The following RBFOX3 variants were observed in gnomAD, a reference collection of about 807,000 sequenced individuals.
RBFOX3 encodes the protein RNA binding fox-1 homolog 3, also known as RNA binding protein fox-1 homolog 3.
RBFOX3 carries 17 observed loss-of-function variants against 48.7 expected under a neutral mutation model. The observed-to-expected ratio is 0.35, with a 90% CI of 0.24 to 0.52. RBFOX3 has a LOEUF of 0.52. RBFOX3 is among the 20% of genes least tolerant of loss of function. The probability of loss-of-function intolerance (pLI) is 0.94; values close to 1 mark genes in which losing one functional copy is unlikely to be tolerated. For missense variants in RBFOX3, 382 were observed against 497.5 expected (o/e 0.77, Z 2.21); for synonymous variants, 212 against 209.5 (o/e 1.01, Z -0.10).
intron 2 of RBFOX3, among the ~76,000 whole-genome samples, chr17:79,387,932 GCATGTGTA>G (rs1367246309): frequency 1.1e-4 from 17 of 152,058 alleles, no homozygotes; most frequent in African/African-American, 4.1e-4. Flanking sequence ...ACATGCGTGT[GCATGTGTA>G]CATGTGTGCA....
Position 79,287,580 on chromosome 17 carries a change from T to A in RBFOX3, c.-74+20144A>T, listed in dbSNP as rs909099366. Among the ~76,000 whole-genome samples, 6 of 152,130 alleles carry A rather than the reference T, an allele frequency of 3.9e-5. No homozygotes were observed. The South Asian group carries it at 1.2e-3, about 32-fold the overall frequency. Reference sequence around the variant, plus strand: ...GTGCTCTGGGCAGGATCAGACCCACTGATGTGAGACCGGCCAACAGGCAGC... The same window carrying A: ...GTGCTCTGGGCAGGATCAGACCCACAGATGTGAGACCGGCCAACAGGCAGC... On this transcript the variant is annotated intron_variant, in intron 3 of 14. Transcript: ENST00000693108.
At chr17:79,513,591 C>T (rs2084821619) in intron 1 of RBFOX3, among the ~76,000 whole-genome samples, 1 of 152,232 alleles carries the variant, frequency 6.6e-6, no homozygotes, top group African/African-American at 2.4e-5. Context: ...GGTGAAAGGG[C>T]CTCCTTGGAA....
rs145616366 is a variant in RBFOX3, at chr17:79,189,160, C to A, written c.-34+46606G>T. Among the ~76,000 whole-genome samples, 5 of 152,328 alleles carry A rather than the reference C, an allele frequency of 3.3e-5. No homozygotes were observed. In the East Asian group the frequency reaches 9.7e-4, roughly 29 times the overall value. On this transcript the variant is annotated intron_variant, in intron 4 of 14. Transcript: ENST00000693108. ...TACTGATTGCTAACTGTAACAATACCTTGTATCTGCTCAGTGCTTTCCTAA... is the reference window on the plus strand; with the variant it reads ...TACTGATTGCTAACTGTAACAATACATTGTATCTGCTCAGTGCTTTCCTAA...
At chr17:79,141,178 G>A (rs958245706) in intron 4 of RBFOX3, among the ~76,000 whole-genome samples, 1 of 152,254 alleles carries the variant, frequency 6.6e-6, no homozygotes, top group East Asian at 1.9e-4. Flanking sequence ...GATGAGCACT[G>A]TGGCTGGGGA....
chr17:79,578,561 C>A (rs1156406044), intron 1 of RBFOX3, among the ~76,000 whole-genome samples: 1 of 152,256 alleles, frequency 6.6e-6, no homozygotes, highest in Non-Finnish European at 1.5e-5. Flanking sequence ...GGCCGGCCAT[C>A]CTGAGACCCG....
At chr17:79,511,933 T>C (rs2084320075) in intron 1 of RBFOX3, among the ~76,000 whole-genome samples, 1 of 143,570 alleles carries the variant, frequency 7.0e-6, no homozygotes, top group African/African-American at 2.6e-5. Context: ...GGATACGTGT[T>C]ACCATCGGAT....
intron 2 of RBFOX3, among the ~76,000 whole-genome samples, chr17:79,336,460 G>C (rs1003624474): frequency 1.3e-5 from 2 of 151,994 alleles, no homozygotes; most frequent in Non-Finnish European, 2.9e-5. Flanking sequence ...GTTCCAGGTG[G>C]GGCAACCGAG....
At chr17:79,371,297 G>A (rs1008843792) in intron 2 of RBFOX3, among the ~76,000 whole-genome samples, 3 of 152,240 alleles carry the variant, frequency 2.0e-5, no homozygotes, top group African/African-American at 7.2e-5. Flanking sequence ...GGGCACATCC[G>A]AAGGGCTGTG....
At chr17:79,475,934 G>A (rs1018216940) in intron 2 of RBFOX3, among the ~76,000 whole-genome samples, 3 of 152,212 alleles carry the variant, frequency 2.0e-5, no homozygotes, top group African/African-American at 7.2e-5. Context: ...TGGTGAGAAC[G>A]AAGAGCTATC....
At chr17:79,646,750 A>G in the RBFOX3 span, among the ~76,000 whole-genome samples, 1 of 151,886 alleles carries the variant, frequency 6.6e-6, no homozygotes, top group Admixed American at 6.6e-5. Flanking sequence ...GCTACCCCCA[A>G]CCCCAATATC....
chr17:79,610,452 C>T (rs2093946836), intron 1 of RBFOX3, among the ~76,000 whole-genome samples: 1 of 151,952 alleles, frequency 6.6e-6, no homozygotes, highest in African/African-American at 2.4e-5. Context: ...CCGCCGCCGC[C>T]ACAGCCACCA....
chr17:79,435,276 G>C (rs2069188363), intron 2 of RBFOX3, among the ~76,000 whole-genome samples: 1 of 152,194 alleles, frequency 6.6e-6, no homozygotes, highest in African/African-American at 2.4e-5. Flanking sequence ...GGAGGTTGGA[G>C]TGTAGGCTCT....
intron 2 of RBFOX3, among the ~76,000 whole-genome samples, chr17:79,427,278 C>G (rs781976251): frequency 6.6e-6 from 1 of 152,234 alleles, no homozygotes; most frequent in Non-Finnish European, 1.5e-5. Flanking sequence ...AGCACCACCT[C>G]AGGGACCCTG....
the RBFOX3 span, among the ~76,000 whole-genome samples, chr17:79,620,476 C>T: frequency 1.4e-4 from 21 of 147,062 alleles, no homozygotes; most frequent in East Asian, 1.6e-3. Context: ...CACACGTGCA[C>T]ACACGCACGT....
At chr17:79,520,735 G>A (rs1352489190) in intron 1 of RBFOX3, among the ~76,000 whole-genome samples, 2 of 152,212 alleles carry the variant, frequency 1.3e-5, no homozygotes, top group Admixed American at 1.3e-4. Flanking sequence ...TGGGGTTCGT[G>A]TTGGACTCCC....
intron 6 of RBFOX3, among the ~76,000 whole-genome samples, chr17:79,106,250 C>T (rs569208695): frequency 1.3e-5 from 2 of 152,050 alleles, no homozygotes; most frequent in Admixed American, 1.3e-4. Flanking sequence ...TACCCTCTTG[C>T]GAGGAGACAG....
chr17:79,167,417 C>T (rs899227246), intron 4 of RBFOX3, among the ~76,000 whole-genome samples: 2 of 125,752 alleles, frequency 1.6e-5, no homozygotes, highest in African/African-American at 4.0e-5. Context: ...TACTGAGCAC[C>T]CTCCAAGGAG....
intron 4 of RBFOX3, among the ~76,000 whole-genome samples, chr17:79,211,953 C>A (rs1240614399): frequency 3.9e-5 from 6 of 152,144 alleles, no homozygotes; most frequent in African/African-American, 2.4e-5. Context: ...ACAGATGAGA[C>A]CCCTGCCCAC....
intron 4 of RBFOX3, among the ~76,000 whole-genome samples, chr17:79,211,849 G>A (rs962298675): frequency 3.3e-5 from 5 of 152,164 alleles, no homozygotes; most frequent in African/African-American, 4.8e-5. Context: ...TTAAGCCCTG[G>A]ACTTTCGGTT....
Sources: gnomAD v4.1 joint callset for allele counts (sites outside exome capture counted in the v4.1 genomes callset) on GRCh38, gnomAD v4.1.1 for gene constraint, MANE v1.5 for transcripts, NCBI Gene and HGNC (gene_info 2026-07-23, HGNC 2026-07-21) for gene names.